The following TSHZ3 variants were observed in gnomAD, a reference collection of about 807,000 sequenced individuals.
TSHZ3 encodes the protein teashirt zinc finger homeobox 3, also known as teashirt homolog 3.
A neutral mutation model predicts 64.5 loss-of-function variants in TSHZ3; 10 were observed. The ratio of observed to expected loss-of-function variants is 0.16; its 90% CI spans 0.10 to 0.26. The LOEUF (loss-of-function observed/expected upper bound fraction) is 0.26. TSHZ3 is among the 10% of genes least tolerant of loss of function. The probability of loss-of-function intolerance (pLI) is 1.00; values close to 1 mark genes in which losing one functional copy is unlikely to be tolerated. For missense variants in TSHZ3, 1,242 were observed against 1,421.7 expected, an observed-to-expected ratio of 0.87 and a Z score of 2.03; for synonymous variants, 608 against 593.1, an observed-to-expected ratio of 1.03 and a Z score of -0.36.
At chr19:31,320,924 C>T (rs972332544) in intron 1 of TSHZ3, among the ~76,000 whole-genome samples, 1 of 152,214 alleles carries the variant, frequency 6.6e-6, no homozygotes, top group Non-Finnish European at 1.5e-5. Flanking sequence ...GAATTCCCTT[C>T]CCTACGGGTC....
At chr19:31,201,791 A>G (rs2145150409) in intron 5 of TSHZ3, among the ~76,000 whole-genome samples, 1 of 152,348 alleles carries the variant, frequency 6.6e-6, no homozygotes, top group Middle Eastern at 3.4e-3. Context: ...GTCAGATTAC[A>G]ATATTAAATG....
At chr19:31,173,110 C>T (rs960929682) in intron 5 of TSHZ3, among the ~76,000 whole-genome samples, 2 of 152,316 alleles carry the variant, frequency 1.3e-5, no homozygotes, top group African/African-American at 4.8e-5. Flanking sequence ...AAAGGAAGAT[C>T]CAATGACCAT....
chr19:31,167,848 G>C (rs1974477430), intron 5 of TSHZ3: 1 of 152,188 alleles, frequency 6.6e-6, no homozygotes, highest in South Asian at 2.1e-4. Flanking sequence ...GGTCATCTCA[G>C]TATATACCCC....
intron 5 of TSHZ3, among the ~76,000 whole-genome samples, chr19:31,194,586 T>A (rs1216738653): frequency 6.6e-6 from 1 of 152,150 alleles, no homozygotes; most frequent in East Asian, 1.9e-4. Flanking sequence ...GTCTAGAGAA[T>A]GCACCCCTTC....
intron 3 of TSHZ3, among the ~76,000 whole-genome samples, chr19:31,228,825 T>A (rs562961737): frequency 2.6e-5 from 4 of 152,290 alleles, no homozygotes; most frequent in African/African-American, 9.6e-5. Context: ...TTGTAGACCC[T>A]GGTATTTGAA....
intron 5 of TSHZ3, among the ~76,000 whole-genome samples, chr19:31,187,056 A>C (rs1974822245): frequency 1.3e-5 from 2 of 152,044 alleles, no homozygotes; most frequent in South Asian, 4.1e-4. Context: ...TTTGGGGTAC[A>C]CTTCTCTTAC....
At chr19:31,152,125 TA>T (rs3834634) in intron 6 of TSHZ3, among the ~76,000 whole-genome samples, 14 of 147,430 alleles carry the variant, frequency 9.5e-5, no homozygotes, top group African/African-American at 1.2e-4. Flanking sequence ...GAATTCTGCT[TA>T]AAAAAAAAAG....
intron 5 of TSHZ3, among the ~76,000 whole-genome samples, chr19:31,179,374 G>C (rs1974663419): frequency 6.6e-6 from 1 of 152,210 alleles, no homozygotes; most frequent in African/African-American, 2.4e-5. Context: ...TACTCTGACT[G>C]TCCTCTGATA....
chr19:31,328,141 C>T (rs7255691), intron 1 of TSHZ3, among the ~76,000 whole-genome samples: 6,305 of 152,302 alleles, frequency 0.041, 442 homozygotes, highest in African/African-American at 0.14. Flanking sequence ...CAAACTCTGT[C>T]AGAAGAAATA....
intron 5 of TSHZ3, among the ~76,000 whole-genome samples, chr19:31,185,735 A>G (rs1974797174): frequency 6.6e-6 from 1 of 152,228 alleles, no homozygotes; most frequent in Non-Finnish European, 1.5e-5. Context: ...GTTTTGGCAC[A>G]TGCACAGCCA....
intron 5 of TSHZ3, among the ~76,000 whole-genome samples, chr19:31,171,145 G>A (rs1974529342): frequency 6.6e-6 from 1 of 152,158 alleles, no homozygotes; most frequent in Non-Finnish European, 1.5e-5. Flanking sequence ...GGTGGGGGAA[G>A]AGGAAGAGAG....
intron 1 of TSHZ3, 21 bp downstream of exon 1, chr19:31,349,159 G>A (rs1463398355): frequency 1.3e-6 from 2 of 1,540,800 alleles, no homozygotes; most frequent in East Asian, 2.5e-5. Context: ...GAGAGCAGAA[G>A]GAAGGGGAAG....
intron 5 of TSHZ3, among the ~76,000 whole-genome samples, chr19:31,184,930 CTCT>C (rs1568340538): frequency 6.6e-6 from 1 of 152,210 alleles, no homozygotes; most frequent in East Asian, 1.9e-4. Context: ...ATTCCTCTGC[CTCT>C]TTATTTTTCC....
intron 1 of TSHZ3, among the ~76,000 whole-genome samples, chr19:31,248,968 A>T (rs1298588871): frequency 6.6e-6 from 1 of 152,006 alleles, no homozygotes; most frequent in African/African-American, 2.4e-5. Context: ...GGTTTTGAGT[A>T]GTTTTGAGTG....
chr19:31,309,552 A>C (rs1916397039), intron 1 of TSHZ3, among the ~76,000 whole-genome samples: 1 of 152,236 alleles, frequency 6.6e-6, no homozygotes, highest in Non-Finnish European at 1.5e-5. Flanking sequence ...TCAAGTCAGC[A>C]AGAACAAATA....
chr19:31,296,945 C>A (rs1976672114), intron 1 of TSHZ3, among the ~76,000 whole-genome samples: 1 of 152,196 alleles, frequency 6.6e-6, no homozygotes, highest in African/African-American at 2.4e-5. Context: ...AAGTGTCACC[C>A]ACAGTGACAA....
intron 1 of TSHZ3, among the ~76,000 whole-genome samples, chr19:31,288,716 C>A (rs1976509787): frequency 6.6e-6 from 1 of 152,158 alleles, no homozygotes; most frequent in Non-Finnish European, 1.5e-5. Context: ...TAAAAACAAT[C>A]TTTTTTTAGA....
At chr19:31,203,554 G>C (rs1975118315) in intron 5 of TSHZ3, among the ~76,000 whole-genome samples, 1 of 152,106 alleles carries the variant, frequency 6.6e-6, no homozygotes, top group South Asian at 2.1e-4. Context: ...TTAGGCTTTA[G>C]GGGACATCTG....
chr19:31,156,155 T>C (rs1217005677), intron 6 of TSHZ3, among the ~76,000 whole-genome samples: 1 of 152,212 alleles, frequency 6.6e-6, no homozygotes, highest in East Asian at 1.9e-4. Context: ...TGCTTATTGT[T>C]TATTGTATAT....
Sources: gnomAD v4.1 joint callset for allele counts (sites outside exome capture counted in the v4.1 genomes callset) on GRCh38, gnomAD v4.1.1 for gene constraint, MANE v1.5 for transcripts, NCBI Gene and HGNC (gene_info 2026-07-23, HGNC 2026-07-21) for gene names.